Variants in EXPH5 observed in about 807,000 individuals in gnomAD.
EXPH5 encodes exophilin-5.
A neutral mutation model predicts 41.1 loss-of-function variants in EXPH5; 42 were observed. That is an observed-to-expected ratio of 1.02 (90% CI 0.80 to 1.32). EXPH5 has a LOEUF of 1.32. EXPH5 is among the 40% of genes most tolerant of loss of function. The pLI is 0.00. For missense variants in EXPH5, 2,298 were observed against 2,314.5 expected, an observed-to-expected ratio of 0.99 and a Z score of 0.15; for synonymous variants, 798 against 833.5, an observed-to-expected ratio of 0.96 and a Z score of 0.73.
At chr11:108,553,420 C>A (rs981563991) in intron 1 of EXPH5, among the ~76,000 whole-genome samples, 3 of 152,188 alleles carry the variant, frequency 2.0e-5, no homozygotes, top group African/African-American at 7.2e-5. Flanking sequence ...TTGCTGTCCA[C>A]CCTGAGGTCA....
At chr11:108,589,034 T>C (rs1322051752) in intron 1 of EXPH5, among the ~76,000 whole-genome samples, 1 of 152,220 alleles carries the variant, frequency 6.6e-6, no homozygotes, top group Non-Finnish European at 1.5e-5. Flanking sequence ...TCAAGCCTCC[T>C]GAGCACACTT....
intron 1 of EXPH5, among the ~76,000 whole-genome samples, chr11:108,561,642 A>G (rs1440524673): frequency 1.3e-5 from 2 of 152,208 alleles, no homozygotes; most frequent in African/African-American, 4.8e-5. Context: ...ATGAGCAAGA[A>G]TGCTGCCCAG....
chr11:108,591,752 C>G (rs931938723), intron 1 of EXPH5, among the ~76,000 whole-genome samples: 3 of 126,820 alleles, frequency 2.4e-5, no homozygotes, highest in African/African-American at 8.9e-5. Context: ...TGTGGAGATC[C>G]AGTTCCCTCT....
At chr11:108,589,594 A>T (rs1237063367) in intron 1 of EXPH5, among the ~76,000 whole-genome samples, 1 of 152,210 alleles carries the variant, frequency 6.6e-6, no homozygotes, top group Non-Finnish European at 1.5e-5. Context: ...GCACCGTAAC[A>T]TCTGGTTCTG....
the EXPH5 span, among the ~76,000 whole-genome samples, chr11:108,602,836 A>G: frequency 6.6e-6 from 1 of 152,228 alleles, no homozygotes; most frequent in African/African-American, 2.4e-5. Context: ...TTGGTTTAAA[A>G]ATCATATTTA....
the EXPH5 span, among the ~76,000 whole-genome samples, chr11:108,606,798 T>A: frequency 6.6e-6 from 1 of 152,318 alleles, no homozygotes; most frequent in Non-Finnish European, 1.5e-5. Flanking sequence ...TCCCACTAGC[T>A]AAGCAAAAAC....
upstream of EXPH5, among the ~76,000 whole-genome samples, chr11:108,597,866 G>A (rs2094140918): frequency 6.6e-6 from 1 of 152,174 alleles, no homozygotes; most frequent in Non-Finnish European, 1.5e-5. Context: ...AACTAAAGAA[G>A]GAGTACGAAT....
In EXPH5 at chr11:108,524,405, G is replaced by A. The variant is rs929140666; in HGVS notation, c.492+3731C>T. Among the ~76,000 whole-genome samples, 5 of 152,146 alleles carry A rather than the reference G, an allele frequency of 3.3e-5. 1 individual carries two copies. Among genetic ancestry groups the A allele is most frequent in the Admixed American group, 2.0e-4 (3 of 15,258 alleles). On this transcript the variant is annotated intron_variant, in intron 4 of 5. Transcript: ENST00000265843. ...ATTGTTGCTGCTACTATTCTTTTGT[G>A]GTTATAGAGAATTTCCTGGAAGACT... is the stretch of plus-strand genomic sequence containing the variant.
At chr11:108,564,562 A>T (rs547148653) in intron 1 of EXPH5, among the ~76,000 whole-genome samples, 1 of 152,214 alleles carries the variant, frequency 6.6e-6, no homozygotes, top group East Asian at 1.9e-4. Context: ...TTTTAGAGTC[A>T]TAATGTTGAA....
At chr11:108,568,020 G>T (rs1173562054) in intron 1 of EXPH5, 4 of 152,046 alleles carry the variant, frequency 2.6e-5, no homozygotes, top group Admixed American at 2.6e-4. Flanking sequence ...TATCCTGGTG[G>T]GCAGAATACA....
At chr11:108,597,105 C>T (rs1009575084), upstream of EXPH5, among the ~76,000 whole-genome samples, 2 of 152,208 alleles carry the variant, frequency 1.3e-5, no homozygotes, top group Non-Finnish European at 2.9e-5. Flanking sequence ...GCCAAATCCC[C>T]ACCACAGGGC....
At chr11:108,584,417 G>T (rs1486642384) in intron 1 of EXPH5, among the ~76,000 whole-genome samples, 1 of 152,020 alleles carries the variant, frequency 6.6e-6, no homozygotes, top group Non-Finnish European at 1.5e-5. Context: ...GGTGGAGGTT[G>T]CATTGAGCCA....
intron 1 of EXPH5, among the ~76,000 whole-genome samples, chr11:108,586,264 A>G (rs1048551691): frequency 2.0e-5 from 3 of 152,166 alleles, no homozygotes; most frequent in Non-Finnish European, 4.4e-5. Flanking sequence ...TGAATTATTT[A>G]TACATACGAC....
At chr11:108,574,497 C>T (rs2094073699) in intron 1 of EXPH5, among the ~76,000 whole-genome samples, 1 of 152,134 alleles carries the variant, frequency 6.6e-6, no homozygotes, top group Admixed American at 6.5e-5. Flanking sequence ...GGACAAAAGT[C>T]AATTTCTTTA....
chr11:108,590,152 G>A (rs774506902), intron 1 of EXPH5, among the ~76,000 whole-genome samples: 2 of 152,148 alleles, frequency 1.3e-5, no homozygotes, highest in Middle Eastern at 3.2e-3. Flanking sequence ...CAAAAAGCTT[G>A]TAATCAACTT....
the EXPH5 span, among the ~76,000 whole-genome samples, chr11:108,599,212 G>C: frequency 6.6e-6 from 1 of 151,862 alleles, no homozygotes; most frequent in Non-Finnish European, 1.5e-5. Flanking sequence ...ACCTCACATC[G>C]TATATGACAT....
At chr11:108,598,328 A>G (rs1469393865), upstream of EXPH5, among the ~76,000 whole-genome samples, 1 of 152,216 alleles carries the variant, frequency 6.6e-6, no homozygotes, top group African/African-American at 2.4e-5. Context: ...CCTTGCCCAG[A>G]TAATGGGCTT....
chr11:108,528,695 C>CTTTTTTTTTTTTTTTTTTTTTTTTTTT (rs58500316), intron 3 of EXPH5, among the ~76,000 whole-genome samples: 1 of 106,328 alleles, frequency 9.4e-6, no homozygotes, highest in African/African-American at 3.8e-5. Flanking sequence ...TTTTCTTTCC[C>CTTTTTTTTTTTTTTTTTTTTTTTTTTT]TTTTTTTTTT....
intron 1 of EXPH5, among the ~76,000 whole-genome samples, chr11:108,558,635 A>T (rs1004502406): frequency 3.3e-5 from 5 of 152,252 alleles, no homozygotes; most frequent in African/African-American, 1.2e-4. Flanking sequence ...TTACATGATT[A>T]AAATGAAATG....
Sources: allele counts gnomAD v4.1 joint callset (sites outside exome capture counted in the v4.1 genomes callset), GRCh38; gene constraint gnomAD v4.1.1; transcripts MANE v1.5; gene names NCBI Gene and HGNC (gene_info 2026-07-23, HGNC 2026-07-21).